The following CLCN4 variants were observed in gnomAD, a reference collection of about 807,000 sequenced individuals.
The protein encoded by CLCN4 is H(+)/Cl(-) exchange transporter 4.
CLCN4 carries 1 observed loss-of-function variant against 41.7 expected under a neutral mutation model. The ratio of observed to expected loss-of-function variants is 0.02; its 90% CI spans 0.01 to 0.11. CLCN4 has a LOEUF of 0.11. CLCN4 is among the 10% of genes least tolerant of loss of function. The pLI is 1.00. For synonymous variants in CLCN4, 277 were observed against 285.8 expected (o/e 0.97, Z 0.31); for missense variants, 287 against 661.0 (o/e 0.43, Z 6.20).
At chrX:10,204,500 G>C (rs1432508454) in intron 6 of CLCN4, among the ~76,000 whole-genome samples, 1 of 110,814 alleles carries the variant, frequency 9.0e-6, no homozygotes, top group Non-Finnish European at 1.9e-5. Context: ...TTAATTCATT[G>C]CCTCCAGCAG....
chrX:10,163,063 T>C (rs1258510592), intron 2 of CLCN4, among the ~76,000 whole-genome samples: 1 of 113,742 alleles, frequency 8.8e-6, no homozygotes, highest in Non-Finnish European at 1.9e-5. Flanking sequence ...TCTGACTGAA[T>C]AGGTCTGGGG....
intron 2 of CLCN4, among the ~76,000 whole-genome samples, chrX:10,174,759 G>A (rs995959292): frequency 3.6e-5 from 4 of 111,697 alleles, no homozygotes; most frequent in African/African-American, 1.3e-4. Context: ...ATTGTAAAAG[G>A]AACACTGTGT....
rs779813427 is a variant in CLCN4, at chrX:10,221,031, A to G, written c.2192+154A>G. 2.7e-5 allele frequency among the ~76,000 whole-genome samples: 3 copies of G among 111,386 alleles called. No homozygotes were observed. In the South Asian group the frequency reaches 1.1e-3, roughly 42 times the overall value. ...GGTGAATGTGTTGAGGAGGAAATGT[A>G]CAGGGAGCTTGGGACTGAGGGCTGG... On this transcript the variant is annotated intron_variant, in intron 12 of 12. Transcript: ENST00000380833.
intron 11 of CLCN4, among the ~76,000 whole-genome samples, chrX:10,219,781 C>T (rs756492523): frequency 8.9e-6 from 1 of 112,472 alleles, no homozygotes; most frequent in South Asian, 3.7e-4. Flanking sequence ...TTTCCCTAAC[C>T]TTTTCCCATG....
intron 6 of CLCN4, among the ~76,000 whole-genome samples, chrX:10,199,093 T>G (rs1335481936): frequency 8.9e-6 from 1 of 112,698 alleles, no homozygotes; most frequent in Non-Finnish European, 1.9e-5. Context: ...TATGTCATGC[T>G]GAATTTTTGA....
chrX:10,169,520 C>A (rs5934789), intron 2 of CLCN4, among the ~76,000 whole-genome samples: 37,629 of 109,297 alleles, frequency 0.34, 5,061 homozygotes, highest in African/African-American at 0.51. Flanking sequence ...AACAAACAAA[C>A]AAAACCAGTA....
intron 5 of CLCN4, among the ~76,000 whole-genome samples, chrX:10,197,668 C>T (rs953975481): frequency 8.9e-6 from 1 of 111,771 alleles, no homozygotes; most frequent in Non-Finnish European, 1.9e-5. Context: ...GCATCATCCA[C>T]GGTTTCCATT....
At chrX:10,190,183 G>A (rs1027082128) in intron 4 of CLCN4, among the ~76,000 whole-genome samples, 39 of 111,458 alleles carry the variant, frequency 3.5e-4, no homozygotes, top group Middle Eastern at 4.6e-3. Context: ...CACAATTAAT[G>A]ATCATGTATT....
intron 12 of CLCN4, among the ~76,000 whole-genome samples, chrX:10,229,225 G>A (rs1259980219): frequency 9.0e-6 from 1 of 110,847 alleles, no homozygotes; most frequent in Non-Finnish European, 1.9e-5. Flanking sequence ...TAACAAAGCC[G>A]CCTTTCCTAG....
chrX:10,220,120 G>C (rs905007980), intron 11 of CLCN4, among the ~76,000 whole-genome samples: 1 of 111,895 alleles, frequency 8.9e-6, no homozygotes, highest in African/African-American at 3.3e-5. Context: ...TGGACCCAAG[G>C]GTCGCGTTTG....
At chrX:10,227,687 C>A (rs1189994371) in intron 12 of CLCN4, among the ~76,000 whole-genome samples, 5 of 111,896 alleles carry the variant, frequency 4.5e-5, no homozygotes, top group African/African-American at 1.3e-4. Context: ...CCTTGGCAAC[C>A]ACTACTCTAT....
At chrX:10,231,400 T>C in intron 12 of CLCN4, among the ~76,000 whole-genome samples, 1 of 112,070 alleles carries the variant, frequency 8.9e-6, no homozygotes. Context: ...ATCCAGTTGA[T>C]ATTCATTCAA....
intron 6 of CLCN4, among the ~76,000 whole-genome samples, chrX:10,199,343 C>G (rs1233550582): frequency 8.9e-6 from 1 of 112,389 alleles, no homozygotes; most frequent in Non-Finnish European, 1.9e-5. Flanking sequence ...AAAACAGGAG[C>G]ACAGCTGTAC....
chrX:10,165,899 C>T (rs538585357), intron 2 of CLCN4, among the ~76,000 whole-genome samples: 3 of 111,947 alleles, frequency 2.7e-5, no homozygotes, highest in Admixed American at 1.9e-4. Flanking sequence ...TTCACCGTGG[C>T]GTCCCGGGCC....
intron 6 of CLCN4, among the ~76,000 whole-genome samples, chrX:10,202,005 GT>G (rs757687892): frequency 9.1e-6 from 1 of 110,490 alleles, no homozygotes; most frequent in East Asian, 2.8e-4. Context: ...TTTAAAGAAG[GT>G]TTTTTTTATT....
At chrX:10,207,544 T>C (rs1205331165) in intron 8 of CLCN4, among the ~76,000 whole-genome samples, 3 of 112,083 alleles carry the variant, frequency 2.7e-5, no homozygotes, top group Non-Finnish European at 5.6e-5. Flanking sequence ...GAAATTTGAA[T>C]TTTATGGTTT....
chrX:10,169,507 A>T (rs1469885609), intron 2 of CLCN4, among the ~76,000 whole-genome samples: 2 of 112,055 alleles, frequency 1.8e-5, no homozygotes. Context: ...AGAAAAACAA[A>T]CAAACAAACA....
chrX:10,179,813 A>G (rs1202579512), intron 2 of CLCN4, among the ~76,000 whole-genome samples: 2 of 112,526 alleles, frequency 1.8e-5, no homozygotes, highest in African/African-American at 6.5e-5. Context: ...CGTCTTCTTC[A>G]CAGCACCCTG....
intron 12 of CLCN4, among the ~76,000 whole-genome samples, chrX:10,230,135 CTCCTTATATA>C (rs1307370961): frequency 1.8e-5 from 2 of 111,971 alleles, no homozygotes; most frequent in Non-Finnish European, 3.8e-5. Flanking sequence ...GTTGTTTGAG[CTCCTTATATA>C]TTCTGCTTAT....
Sources: gnomAD v4.1 joint callset for allele counts (sites outside exome capture counted in the v4.1 genomes callset) on GRCh38, gnomAD v4.1.1 for gene constraint, MANE v1.5 for transcripts, NCBI Gene and HGNC (gene_info 2026-07-23, HGNC 2026-07-21) for gene names.